The following KIF2C variants were observed in gnomAD, a reference collection of about 807,000 sequenced individuals.
KIF2C encodes kinesin family member 2C, also known as kinesin-like protein KIF2C.
In KIF2C, 34 loss-of-function variants were observed where a neutral mutation model predicts 97.4. The observed-to-expected ratio is 0.35, with a 90% confidence interval of 0.27 to 0.46. KIF2C has a LOEUF of 0.46. KIF2C is among the 20% of genes least tolerant of loss of function. The pLI is 1.00. For missense variants in KIF2C, 750 were observed against 907.6 expected (o/e 0.83, Z 2.23); for synonymous variants, 313 against 318.2 (o/e 0.98, Z 0.17).
At chr1:44,756,522 A>T (rs1649842838) in intron 10 of KIF2C, among the ~76,000 whole-genome samples, 1 of 147,754 alleles carries the variant, frequency 6.8e-6, no homozygotes, top group East Asian at 2.0e-4. Flanking sequence ...AGATTTGGGG[A>T]ACTCCAGATC....
intron 13 of KIF2C, 73 bp downstream of exon 13, chr1:44,758,213 G>A: frequency 7.3e-7 from 1 of 1,377,400 alleles, no homozygotes; most frequent in East Asian, 2.4e-5. Context: ...CTGGCTAGAA[G>A]TTGAGGCCAA....
chr1:44,740,029 G>A, intron 1 of KIF2C, 27 bp downstream of exon 1: 2 of 1,614,046 alleles, frequency 1.2e-6, no homozygotes, highest in Non-Finnish European at 1.7e-6. Flanking sequence ...CTAGGTCAAG[G>A]GGACTCGTGA....
intron 6 of KIF2C, 44 bp from the exon 7 acceptor site, chr1:44,753,689 G>A: frequency 7.1e-7 from 1 of 1,406,128 alleles, no homozygotes; most frequent in Admixed American, 2.0e-5. Context: ...ACTGGTAACA[G>A]AGTGGGCTTC....
At chr1:44,746,898 G>GTTTGTTT (rs1167533952) in intron 2 of KIF2C, 2 of 972,642 alleles carry the variant, frequency 2.1e-6, no homozygotes, top group East Asian at 2.8e-5. Context: ...TTGTTTGTTT[G>GTTTGTTT]TTTGTTTTTT....
rs375333448 is a variant in KIF2C at position 44,767,392 on chromosome 1, C to G, written c.*213C>G. The G allele has an allele frequency of 6.1e-6, 3 of 495,376 alleles. No individual in the cohort carries two copies. The highest frequency in any genetic ancestry group is 1.1e-5 in the Non-Finnish European group (3 of 270,218). The allele number at this position is 495,376 out of a possible 1,614,324, so 30.7% of individuals were successfully genotyped here. On this transcript the variant is annotated 3_prime_UTR_variant, in exon 21 of 21. Transcript: ENST00000372224. ...TTCTGTTCCTCAGTTGTCGCCCTCACGAGAGGAAGGAGCTCTTAGTTACCC... is the reference window on the plus strand; with the variant it reads ...TTCTGTTCCTCAGTTGTCGCCCTCAGGAGAGGAAGGAGCTCTTAGTTACCC...
In KIF2C at chr1:44,760,314, TC is replaced by T. The variant is rs1214203038; in HGVS notation, c.1405del (p.Arg469AlafsTer23). On this transcript the variant is annotated frameshift_variant, in exon 15 of 21. Transcript: ENST00000372224. LOFTEE classifies it high-confidence loss of function. The surrounding 1 kb of genome is among the most constrained non-coding windows in gnomAD (Gnocchi z 4.2). ...SGQTFANSNS[S>X]RSHACFQIIL... ...GCAGACATTTGCCAACTCCAATTCC[TC>T]CCGCTCCCACGCGTGCTTCCAAATT... The T allele has an allele frequency of 3.1e-6, 5 of 1,614,006 alleles. No individual in the cohort carries two copies. Among genetic ancestry groups the T allele is most frequent in the Non-Finnish European group, 4.2e-6 (5 of 1,180,052 alleles).
chr1:44,761,332 G>C (rs551716925), intron 16 of KIF2C, among the ~76,000 whole-genome samples: 1 of 152,212 alleles, frequency 6.6e-6, no homozygotes, highest in East Asian at 1.9e-4. Context: ...TGGGCTGGGC[G>C]CGGTGGCTCA....
intron 17 of KIF2C, 155 bp downstream of exon 17, chr1:44,762,138 C>G (rs2148833656): frequency 1.2e-6 from 1 of 850,210 alleles, no homozygotes; most frequent in African/African-American, 1.7e-5. Flanking sequence ...GATGCTAGGT[C>G]TGTCCCAATC....
rs565145397 is a variant in KIF2C, at chr1:44,753,177, T to A, written c.485T>A (p.Leu162Ter). 6.2e-7 allele frequency: 1 copy of A among 1,613,722 alleles called. No individual in the cohort carries two copies. The highest frequency in any genetic ancestry group is 1.3e-5 in the African/African-American group (1 of 74,890). Residue 162 changes from leucine to a stop codon, truncating the protein, a stop_gained, in exon 6 of 21, where the codon TTG (leucine) becomes TAG (stop). Coordinates refer to ENST00000372224, the MANE Select transcript of KIF2C (RefSeq NM_006845.4). LOFTEE classifies it high-confidence loss of function. The stretch of plus-strand genomic sequence containing the variant: ...TGCCCTGCAGTGGCTGAAATACCAT[T>A]GAGGATGGTCAGCGAGGAGATGGAA... ...PSCPAVAEIP[L>*]RMVSEEMEEQ...
At chr1:44,759,033 C>A in intron 13 of KIF2C, 173 bp from the exon 14 acceptor site, 2 of 738,270 alleles carry the variant, frequency 2.7e-6, no homozygotes, top group Non-Finnish European at 4.3e-6. Flanking sequence ...TGAGGCAGTT[C>A]GGCTCAGATC....
intron 2 of KIF2C, chr1:44,746,823 T>C: frequency 6.7e-7 from 1 of 1,502,130 alleles, no homozygotes; most frequent in Non-Finnish European, 9.1e-7. Flanking sequence ...GAACTTAAAG[T>C]TGGTAAAGTT....
chr1:44,741,836 A>G (rs970564257), intron 2 of KIF2C, among the ~76,000 whole-genome samples: 1 of 151,870 alleles, frequency 6.6e-6, no homozygotes, highest in Non-Finnish European at 1.5e-5. Flanking sequence ...CAAAAAATAC[A>G]AAAAACATTA....
intron 19 of KIF2C, among the ~76,000 whole-genome samples, chr1:44,765,070 A>T (rs1442130542): frequency 5.9e-5 from 9 of 152,242 alleles, no homozygotes; most frequent in South Asian, 2.1e-4. Flanking sequence ...TAGTGAGCCG[A>T]GATGGTGCCA....
intron 4 of KIF2C, among the ~76,000 whole-genome samples, chr1:44,749,678 C>T (rs1378866528): frequency 6.6e-6 from 1 of 151,654 alleles, no homozygotes; most frequent in Non-Finnish European, 1.5e-5. Flanking sequence ...TCAGCCTGAA[C>T]TTATAATACT....
chr1:44,744,897 C>T (rs772963780), intron 2 of KIF2C, among the ~76,000 whole-genome samples: 4 of 149,284 alleles, frequency 2.7e-5, no homozygotes, highest in Non-Finnish European at 4.4e-5. Context: ...AGTGAGATTC[C>T]GTCTAAAAAA....
chr1:44,762,054 G>C (rs1250367417), intron 17 of KIF2C, 71 bp downstream of exon 17: 1 of 1,373,898 alleles, frequency 7.3e-7, no homozygotes, highest in East Asian at 2.3e-5. Flanking sequence ...TGAGAGGGGA[G>C]GAGGCTCTGG....
In KIF2C at chr1:44,753,211, C is replaced by T. The variant is rs1400283175; in HGVS notation, c.519C>T (p.Val173=). Residue 173 remains valine (V), a synonymous_variant, in exon 6 of 21, where the codon GTC becomes GTT. Coordinates refer to ENST00000372224, the MANE Select transcript of KIF2C (RefSeq NM_006845.4). ...TCAGCGAGGAGATGGAAGAGCAAGT[C>T]CATTCCATCCGAGGCAGCTCTTCTG... ...RMVSEEMEEQ[V]HSIRGSSSAN... is the part of the protein sequence containing the mutation. The T allele has an allele frequency of 6.2e-7, 1 of 1,614,006 alleles. No individual in the cohort carries two copies. Among genetic ancestry groups the T allele is most frequent in the South Asian group, 1.1e-5 (1 of 91,060 alleles).
At position 44,760,236 on chromosome 1, in the gene KIF2C, G is replaced by A. The variant is rs1339479440; in HGVS notation, c.1368-44G>A. ...GAACTTCTGTGGACTTGGGTGCCAT[G>A]GGGGCTGGTGACCACAGAATCTCAT... On this transcript the variant is annotated intron_variant, in intron 14 of 20. Transcript: ENST00000372224. The surrounding 1 kb of genome is among the most constrained non-coding windows in gnomAD (Gnocchi z 4.2). The A allele has an allele frequency of 6.3e-7, 1 of 1,577,536 alleles. No homozygotes were observed. Among genetic ancestry groups the A allele is most frequent in the Non-Finnish European group, 8.7e-7 (1 of 1,148,968 alleles).
chr1:44,751,530 C>T (rs564676041), intron 5 of KIF2C, among the ~76,000 whole-genome samples: 11 of 124,110 alleles, frequency 8.9e-5, no homozygotes, highest in African/African-American at 2.4e-4. Context: ...TTTTTTGAGA[C>T]GGAATTTTGC....
Sources: allele counts gnomAD v4.1 joint callset (sites outside exome capture counted in the v4.1 genomes callset), GRCh38; gene constraint gnomAD v4.1.1; non-coding constraint Gnocchi (gnomAD v3.1); transcripts MANE v1.5; gene names NCBI Gene and HGNC (gene_info 2026-07-23, HGNC 2026-07-21).